Variants in NIBAN1 observed in about 807,000 individuals in gnomAD.
NIBAN1 encodes the protein protein Niban 1.
Under a neutral mutation model 75.1 loss-of-function variants are expected in NIBAN1, and 81 were observed. The observed-to-expected ratio is 1.08, with a 90% CI of 0.90 to 1.30. NIBAN1 has a LOEUF of 1.30. NIBAN1 is among the 50% of genes most tolerant of loss of function. The pLI, the probability that NIBAN1 is intolerant of heterozygous loss-of-function variation, is 0.00. For missense variants in NIBAN1, 1,133 were observed against 1,128.1 expected (o/e 1.00, Z -0.06); for synonymous variants, 436 against 424.8 (o/e 1.03, Z -0.32).
Position 184,945,099 on chromosome 1 carries a change from C to T in NIBAN1, c.55+29203G>A, listed in dbSNP as rs557463622. 5.3e-5 allele frequency among the ~76,000 whole-genome samples: 8 copies of T among 152,320 alleles called. No homozygotes were observed. In the South Asian group the frequency reaches 1.4e-3, roughly 28 times the overall value. On this transcript the variant is annotated intron_variant, in intron 1 of 13. Transcript: ENST00000367511. Reference sequence around the variant, plus strand: ...TTAGTATACAATGCTGGCACAGAGGCACGAAACAGTTATGATGGGAAACTT... The same window carrying T: ...TTAGTATACAATGCTGGCACAGAGGTACGAAACAGTTATGATGGGAAACTT...
intron 10 of NIBAN1, among the ~76,000 whole-genome samples, chr1:184,806,435 C>T (rs1053500524): frequency 2.0e-5 from 3 of 152,186 alleles, no homozygotes; most frequent in Non-Finnish European, 4.4e-5. Flanking sequence ...CAGCTTATCT[C>T]TCCCTCTCTC....
chr1:184,852,486 G>A (rs1655568234), intron 5 of NIBAN1, among the ~76,000 whole-genome samples: 1 of 152,176 alleles, frequency 6.6e-6, no homozygotes. Context: ...CCATAGCACA[G>A]TGTCTAGTGA....
intron 1 of NIBAN1, among the ~76,000 whole-genome samples, chr1:184,928,062 G>GTGATGAA (rs1657725664): frequency 2.0e-5 from 3 of 152,202 alleles, no homozygotes; most frequent in Admixed American, 2.0e-4. Flanking sequence ...TAGCCAGCAG[G>GTGATGAA]TGATGAATCC....
At chr1:184,855,497 T>G (rs1655653687) in intron 5 of NIBAN1, among the ~76,000 whole-genome samples, 1 of 152,136 alleles carries the variant, frequency 6.6e-6, no homozygotes. Context: ...TATCTCCACA[T>G]TTCTCTTCAG....
rs999822050 is a variant in NIBAN1 at position 184,910,468 on chromosome 1, CA to C, written c.56-11160del. ...AAACTAGTTAGTAATAGAATATTTA[CA>C]AAAAAAACTTTTTTAAAGATTAGTG... is the stretch of plus-strand genomic sequence containing the variant. On this transcript the variant is annotated intron_variant, in intron 1 of 13. Transcript: ENST00000367511. Among the ~76,000 whole-genome samples the C allele has an allele frequency of 4.6e-5, 7 of 151,764 alleles. No individual in the cohort carries two copies. The East Asian group carries it at 5.8e-4, about 13-fold the overall frequency.
At chr1:184,970,039 C>T (rs1267752540) in intron 1 of NIBAN1, among the ~76,000 whole-genome samples, 1 of 151,874 alleles carries the variant, frequency 6.6e-6, no homozygotes, top group Non-Finnish European at 1.5e-5. Context: ...CATGGTGGCA[C>T]ATGCCTGTAC....
In NIBAN1 at chr1:184,808,241, T is replaced by C; in HGVS notation, c.1174-6A>G. 1 of 1,613,002 alleles carries C rather than the reference T, an allele frequency of 6.2e-7. No homozygotes were observed. Among genetic ancestry groups the C allele is most frequent in the Non-Finnish European group, 8.5e-7 (1 of 1,179,178 alleles). ...TTCATAAGCCGGTCTAGATGCTGCA[T>C]TTTGGTGAAGGGAAACATTAAACAC... On this transcript the variant is annotated splice_region_variant and splice_polypyrimidine_tract_variant and intron_variant, in intron 9 of 13. Coordinates refer to ENST00000367511, the MANE Select transcript of NIBAN1 (RefSeq NM_052966.4).
intron 1 of NIBAN1, among the ~76,000 whole-genome samples, chr1:184,913,473 A>G (rs1317760234): frequency 6.6e-6 from 1 of 152,120 alleles, no homozygotes. Context: ...CATTGAAACT[A>G]TTATGGGTTA....
chr1:184,860,251 T>A (rs1655781428), intron 5 of NIBAN1, among the ~76,000 whole-genome samples: 1 of 126,592 alleles, frequency 7.9e-6, no homozygotes, highest in African/African-American at 3.1e-5. Flanking sequence ...GGAGGAAGCA[T>A]GCTAAATATA....
chr1:184,826,861 G>A (rs577805209), intron 6 of NIBAN1, among the ~76,000 whole-genome samples: 2 of 151,480 alleles, frequency 1.3e-5, no homozygotes, highest in South Asian at 2.1e-4. Context: ...TACGAGTGGC[G>A]GGGGGGTGAT....
At chr1:184,940,250 G>A (rs965444715) in intron 1 of NIBAN1, among the ~76,000 whole-genome samples, 5 of 152,252 alleles carry the variant, frequency 3.3e-5, no homozygotes, top group Admixed American at 6.5e-5. Flanking sequence ...CTGGATTGCC[G>A]GCACCAGCAG....
At chr1:184,862,493 T>TTTTTG (rs371165973) in intron 5 of NIBAN1, among the ~76,000 whole-genome samples, 1 of 151,950 alleles carries the variant, frequency 6.6e-6, no homozygotes, top group African/African-American at 2.4e-5. Flanking sequence ...TCTTACCAGG[T>TTTTTG]TTTTGTTTTG....
intron 1 of NIBAN1, among the ~76,000 whole-genome samples, chr1:184,902,630 A>G (rs1571560340): frequency 1.3e-5 from 2 of 152,208 alleles, no homozygotes; most frequent in East Asian, 1.9e-4. Context: ...GCCCTGCTGT[A>G]TACAGAAGAG....
intron 5 of NIBAN1, among the ~76,000 whole-genome samples, chr1:184,842,599 A>C (rs657825): frequency 0.59 from 89,522 of 151,832 alleles, 26,779 homozygotes; most frequent in African/African-American, 0.68. Flanking sequence ...ACTAAAAATG[A>C]AAAATTAGCC....
intron 1 of NIBAN1, among the ~76,000 whole-genome samples, chr1:184,923,323 T>A (rs1464584882): frequency 6.6e-6 from 1 of 152,212 alleles, no homozygotes; most frequent in Non-Finnish European, 1.5e-5. Flanking sequence ...GAAGAGACTG[T>A]CCCTTCTCCA....
At chr1:184,896,689 G>A (rs1241362839) in intron 2 of NIBAN1, among the ~76,000 whole-genome samples, 2 of 152,084 alleles carry the variant, frequency 1.3e-5, no homozygotes, top group African/African-American at 4.8e-5. Context: ...TTACACTTAG[G>A]TTTTTAATCC....
chr1:184,792,232 C>T lies in NIBAN1; in HGVS notation c.*2745G>A, dbSNP rs1470809904. On this transcript the variant is annotated 3_prime_UTR_variant, in exon 14 of 14. Coordinates refer to ENST00000367511, the MANE Select transcript of NIBAN1 (RefSeq NM_052966.4). ...CTGGGATTATAGGTGTAAGCTACCA[C>T]ATCCAGCCCAAAAACTTGTCTTTAG... 6.6e-6 allele frequency: 1 copy of T among 152,196 alleles called. No homozygotes were observed. The highest frequency in any genetic ancestry group is 1.5e-5 in the Non-Finnish European group (1 of 68,054). The allele number at this position is 152,196 out of a possible 1,614,324, so 9.4% of individuals were successfully genotyped here. A position where few individuals can be genotyped will look rare whatever the true frequency, so the allele number is the denominator to read the frequency against.
At chr1:184,804,773 T>G (rs537865840) in intron 11 of NIBAN1, among the ~76,000 whole-genome samples, 21 of 138,518 alleles carry the variant, frequency 1.5e-4, no homozygotes, top group South Asian at 4.5e-4. Context: ...AATATTGGTG[T>G]TTTTTTTTTT....
At chr1:184,906,534 G>T (rs780688568) in intron 1 of NIBAN1, among the ~76,000 whole-genome samples, 1 of 152,148 alleles carries the variant, frequency 6.6e-6, no homozygotes, top group Non-Finnish European at 1.5e-5. Context: ...GGAGGCTGAG[G>T]AAGGAGAATA....
Sources: gnomAD v4.1 joint callset for allele counts (sites outside exome capture counted in the v4.1 genomes callset) on GRCh38, gnomAD v4.1.1 for gene constraint, MANE v1.5 for transcripts, NCBI Gene and HGNC (gene_info 2026-07-23, HGNC 2026-07-21) for gene names.